Variants in ENTREP1 observed in about 807,000 individuals in gnomAD.
The protein encoded by ENTREP1 is endosomal transmembrane epsin interactor 1.
At chr9:69,324,587 G>C in the ENTREP1 span, 21 of 985,140 alleles carry the variant, frequency 2.1e-5, no homozygotes, top group African/African-American at 3.7e-4. Flanking sequence ...TTTCATTCCC[G>C]CTCCTACCGA....
the ENTREP1 span, among the ~76,000 whole-genome samples, chr9:69,333,630 T>C: frequency 4.0e-3 from 615 of 152,204 alleles, 4 homozygotes; most frequent in African/African-American, 0.014. Context: ...ATAGAAAAAA[T>C]ACATTCCAAA....
the ENTREP1 span, among the ~76,000 whole-genome samples, chr9:69,342,235 T>C: frequency 6.6e-6 from 1 of 152,330 alleles, no homozygotes; most frequent in African/African-American, 2.4e-5. Context: ...TCCTGGCAGA[T>C]ATTATTCCTT....
chr9:69,363,761 G>A, the ENTREP1 span, among the ~76,000 whole-genome samples: 217 of 152,162 alleles, frequency 1.4e-3, no homozygotes, highest in Non-Finnish European at 2.5e-3. Context: ...TGTTGGTTGA[G>A]CTTCACTGGA....
At chr9:69,354,254 A>AATTT in the ENTREP1 span, among the ~76,000 whole-genome samples, 3 of 105,646 alleles carry the variant, frequency 2.8e-5, no homozygotes, top group Non-Finnish European at 5.3e-5. Context: ...CTATTGCAAC[A>AATTT]TTTTTTTTTT....
At chr9:69,370,138 A>G in the ENTREP1 span, among the ~76,000 whole-genome samples, 1 of 152,102 alleles carries the variant, frequency 6.6e-6, no homozygotes, top group Non-Finnish European at 1.5e-5. Flanking sequence ...TTATTGGCGT[A>G]CTGATGGGCA....
the ENTREP1 span, among the ~76,000 whole-genome samples, chr9:69,341,924 T>C: frequency 2.6e-5 from 4 of 152,168 alleles, no homozygotes; most frequent in South Asian, 6.2e-4. Flanking sequence ...CAAGAGATTT[T>C]CCCAAGGTCT....
the ENTREP1 span, among the ~76,000 whole-genome samples, chr9:69,352,199 C>T: frequency 6.6e-6 from 1 of 151,984 alleles, no homozygotes; most frequent in Non-Finnish European, 1.5e-5. Context: ...TCACTGCAAC[C>T]TCTCCACCTC....
chr9:69,325,730 ACC>A, the ENTREP1 span: 1 of 1,225,218 alleles, frequency 8.2e-7, no homozygotes, highest in Non-Finnish European at 1.0e-6. Flanking sequence ...CTCGGTGAGT[ACC>A]GCGCGCGCGC....
At chr9:69,344,588 C>A in the ENTREP1 span, among the ~76,000 whole-genome samples, 1 of 152,068 alleles carries the variant, frequency 6.6e-6, no homozygotes, top group African/African-American at 2.4e-5. Context: ...GCAGTGGGGC[C>A]CTGCCTCTGG....
the ENTREP1 span, among the ~76,000 whole-genome samples, chr9:69,329,875 A>G: frequency 8.8e-6 from 1 of 114,020 alleles, no homozygotes; most frequent in African/African-American, 3.2e-5. Context: ...GGAGTTAACT[A>G]GGTTCCACTG....
At chr9:69,365,811 C>T in the ENTREP1 span, among the ~76,000 whole-genome samples, 1 of 152,132 alleles carries the variant, frequency 6.6e-6, no homozygotes, top group African/African-American at 2.4e-5. Flanking sequence ...TTTCCCTTAA[C>T]ATAAGGGCCT....
the ENTREP1 span, among the ~76,000 whole-genome samples, chr9:69,336,054 G>A: frequency 1.3e-5 from 2 of 152,196 alleles, no homozygotes; most frequent in Non-Finnish European, 2.9e-5. Context: ...GTCCAAAGTG[G>A]TCTACCAGAG....
At chr9:69,388,072 G>T in the ENTREP1 span, 1 of 1,610,388 alleles carries the variant, frequency 6.2e-7, no homozygotes, top group Non-Finnish European at 8.5e-7. Context: ...TTTCCATGTT[G>T]AGTTTTGTGG....
chr9:69,329,295 GA>G, the ENTREP1 span: 1 of 919,458 alleles, frequency 1.1e-6, no homozygotes, highest in African/African-American at 1.8e-5. Flanking sequence ...TTGTGTATTT[GA>G]TACAAAATTA....
chr9:69,385,787 TA>T, the ENTREP1 span: 35,604 of 934,706 alleles, frequency 0.038, 1,826 homozygotes, highest in African/African-American at 0.12. Flanking sequence ...TTTTTTTTTT[TA>T]AATCAGATGG....
chr9:69,354,375 G>A, the ENTREP1 span, among the ~76,000 whole-genome samples: 1 of 148,442 alleles, frequency 6.7e-6, no homozygotes, highest in African/African-American at 2.5e-5. Context: ...TCCTGCCCCA[G>A]TCTGCCTGAG....
chr9:69,358,439 AT>A, the ENTREP1 span, among the ~76,000 whole-genome samples: 7 of 152,116 alleles, frequency 4.6e-5, no homozygotes, highest in Non-Finnish European at 1.0e-4. Context: ...ATTCAGTATT[AT>A]TTACCACCAC....
chr9:69,324,642 C>A, the ENTREP1 span: 7 of 985,392 alleles, frequency 7.1e-6, no homozygotes, highest in African/African-American at 3.5e-5. Flanking sequence ...TAGGCACGTC[C>A]TGCGCCCTGT....
the ENTREP1 span, chr9:69,386,082 G>A: frequency 7.3e-6 from 5 of 686,898 alleles, no homozygotes; most frequent in African/African-American, 7.4e-5. Flanking sequence ...TGAGGTCTTG[G>A]GAAAGTAAAA....
Sources: gnomAD v4.1 joint callset for allele counts (sites outside exome capture counted in the v4.1 genomes callset) on GRCh38, gnomAD v4.1.1 for gene constraint, MANE v1.5 for transcripts, NCBI Gene and HGNC (gene_info 2026-07-23, HGNC 2026-07-21) for gene names.